The following ARMC2 variants were observed in gnomAD, a reference collection of about 807,000 sequenced individuals.
ARMC2 encodes armadillo repeat containing 2.
Under a neutral mutation model 90.3 loss-of-function variants are expected in ARMC2, and 67 were observed. The ratio of observed to expected loss-of-function variants is 0.74; its 90% confidence interval spans 0.61 to 0.91. The LOEUF (loss-of-function observed/expected upper bound fraction) is 0.91. ARMC2 is among the 40% of genes least tolerant of loss of function. The pLI is 0.00. For missense variants in ARMC2, 920 were observed against 1,030.9 expected, an observed-to-expected ratio of 0.89 and a Z score of 1.47; for synonymous variants, 393 against 393.0, an observed-to-expected ratio of 1.00 and a Z score of 0.00.
At chr6:108,993,788 C>A in the ARMC2 span, among the ~76,000 whole-genome samples, 67 of 151,908 alleles carry the variant, frequency 4.4e-4, no homozygotes, top group Middle Eastern at 3.4e-3. Flanking sequence ...TATGTTGCCC[C>A]AACTAGTCTG....
At chr6:109,009,289 A>C in the ARMC2 span, 6 of 1,356,190 alleles carry the variant, frequency 4.4e-6, no homozygotes, top group South Asian at 3.0e-5. Context: ...TCCGTGTTGC[A>C]CAGGGCAGCT....
At chr6:109,030,740 T>C in the ARMC2 span, among the ~76,000 whole-genome samples, 1 of 152,208 alleles carries the variant, frequency 6.6e-6, no homozygotes, top group Non-Finnish European at 1.5e-5. Flanking sequence ...AAAATGTATA[T>C]AGGATTTTAT....
intron 11 of ARMC2, 63 bp from the exon 12 acceptor site, chr6:108,936,837 G>A (rs1775995396): frequency 7.6e-7 from 1 of 1,308,826 alleles, no homozygotes; most frequent in Non-Finnish European, 1.1e-6. Context: ...GTGATACTAT[G>A]TGTACTTGAA....
At chr6:108,986,214 T>G in the ARMC2 span, among the ~76,000 whole-genome samples, 1 of 152,288 alleles carries the variant, frequency 6.6e-6, no homozygotes, top group South Asian at 2.1e-4. Context: ...TCTAAAACAG[T>G]TGAAAAGAGA....
chr6:109,009,699 G>T, the ARMC2 span: 3 of 339,040 alleles, frequency 8.8e-6, no homozygotes, highest in Non-Finnish European at 1.3e-5. Context: ...GGGAACTGGC[G>T]GTCTGACGCG....
At chr6:109,001,371 C>G in the ARMC2 span, 7 of 1,613,836 alleles carry the variant, frequency 4.3e-6, no homozygotes, top group Admixed American at 3.3e-5. Flanking sequence ...AAGAAACTTT[C>G]TAAATATTGT....
At chr6:108,905,548 AAAAG>A (rs577362192) in intron 8 of ARMC2, among the ~76,000 whole-genome samples, 176 of 152,136 alleles carry the variant, frequency 1.2e-3, no homozygotes, top group African/African-American at 3.4e-3. Flanking sequence ...GAAAAAAAAA[AAAAG>A]AAAGAAAGAG....
intron 17 of ARMC2, among the ~76,000 whole-genome samples, chr6:108,970,949 G>T (rs1441164578): frequency 6.6e-6 from 1 of 152,106 alleles, no homozygotes; most frequent in Non-Finnish European, 1.5e-5. Flanking sequence ...CTGGCTGGGC[G>T]CTGTGGCTCA....
chr6:108,962,350 T>C (rs1379389920), intron 15 of ARMC2, among the ~76,000 whole-genome samples: 1 of 152,182 alleles, frequency 6.6e-6, no homozygotes, highest in Non-Finnish European at 1.5e-5. Flanking sequence ...TGTGTGTATG[T>C]CTAATGGAAA....
intron 17 of ARMC2, among the ~76,000 whole-genome samples, chr6:108,969,372 A>G (rs1778601209): frequency 1.3e-5 from 2 of 152,138 alleles, no homozygotes; most frequent in African/African-American, 2.4e-5. Flanking sequence ...ACAAACTTCT[A>G]ATGATGATTG....
the ARMC2 span, chr6:108,988,779 T>C: frequency 9.7e-7 from 1 of 1,026,930 alleles, no homozygotes. Flanking sequence ...TAATACTGTA[T>C]TTTTTCTCTC....
intron 5 of ARMC2, chr6:108,880,289 T>A (rs1361498310): frequency 9.0e-6 from 2 of 223,462 alleles, no homozygotes; most frequent in Non-Finnish European, 1.8e-5. Context: ...CTTCCCTGTG[T>A]CCCTCCCAGG....
intron 13 of ARMC2, among the ~76,000 whole-genome samples, chr6:108,960,173 A>G (rs1777885990): frequency 1.3e-5 from 2 of 152,138 alleles, no homozygotes; most frequent in Non-Finnish European, 2.9e-5. Flanking sequence ...CTTATTTCAG[A>G]CAATGTGGTC....
intron 4 of ARMC2, among the ~76,000 whole-genome samples, chr6:108,874,430 C>T (rs762516612): frequency 1.1e-4 from 17 of 152,110 alleles, no homozygotes; most frequent in Non-Finnish European, 1.8e-4. Context: ...TAAAAGATAA[C>T]GGTAGGCTAA....
intron 4 of ARMC2, among the ~76,000 whole-genome samples, chr6:108,874,666 T>C (rs1456072160): frequency 6.6e-6 from 1 of 152,076 alleles, no homozygotes; most frequent in Non-Finnish European, 1.5e-5. Flanking sequence ...GTGGGGACCA[T>C]GGAAGGTGGT....
At chr6:108,996,660 TAATATTA>T in the ARMC2 span, among the ~76,000 whole-genome samples, 1 of 152,208 alleles carries the variant, frequency 6.6e-6, no homozygotes, top group African/African-American at 2.4e-5. Flanking sequence ...CATTTCATTT[TAATATTA>T]AAATGTTAAA....
the ARMC2 span, among the ~76,000 whole-genome samples, chr6:109,022,252 T>C: frequency 6.6e-6 from 1 of 152,096 alleles, no homozygotes; most frequent in Non-Finnish European, 1.5e-5. Context: ...ATTGTAGCAG[T>C]TAGGTAAATG....
the ARMC2 span, among the ~76,000 whole-genome samples, chr6:108,982,351 G>A: frequency 6.6e-6 from 1 of 152,270 alleles, no homozygotes; most frequent in South Asian, 2.1e-4. Context: ...GGTGGAGAGA[G>A]AGATCATCTC....
the ARMC2 span, among the ~76,000 whole-genome samples, chr6:109,049,620 C>T: frequency 2.0e-5 from 3 of 151,632 alleles, no homozygotes; most frequent in East Asian, 5.8e-4. Flanking sequence ...AATTGAAACA[C>T]TATTATGTAC....
Sources: allele counts gnomAD v4.1 joint callset (sites outside exome capture counted in the v4.1 genomes callset), GRCh38; gene constraint gnomAD v4.1.1; transcripts MANE v1.5; gene names NCBI Gene and HGNC (gene_info 2026-07-23, HGNC 2026-07-21).